USP35: variants seen among roughly 807,000 people sequenced by gnomAD.
USP35 encodes ubiquitin specific peptidase 35, also known as ubiquitin carboxyl-terminal hydrolase 35.
Under a neutral mutation model 83.8 loss-of-function variants are expected in USP35, and 69 were observed. The observed-to-expected ratio is 0.82, with a 90% CI of 0.68 to 1.01. USP35 has a LOEUF of 1.01. Ranked by LOEUF, USP35 falls within the 50% of genes least tolerant of loss-of-function variation. The pLI, the probability that USP35 is intolerant of heterozygous loss-of-function variation, is 0.00. For missense variants in USP35, 1,503 were observed against 1,362.5 expected, an observed-to-expected ratio of 1.10 and a Z score of -1.62; for synonymous variants, 714 against 589.5, an observed-to-expected ratio of 1.21 and a Z score of -3.06.
At chr11:78,190,396 C>G (rs1265276002) in intron 1 of USP35, among the ~76,000 whole-genome samples, 5 of 152,176 alleles carry the variant, frequency 3.3e-5, no homozygotes, top group African/African-American at 9.7e-5. Context: ...ATATGCAAGA[C>G]CAGGCCTGGG....
chr11:78,189,505 T>C (rs2137017011), intron 1 of USP35, among the ~76,000 whole-genome samples: 1 of 152,162 alleles, frequency 6.6e-6, no homozygotes, highest in Middle Eastern at 3.4e-3. Flanking sequence ...TGGCACAAAC[T>C]GGGGGGCCCG....
the USP35 span, among the ~76,000 whole-genome samples, chr11:78,230,649 A>G: frequency 6.6e-6 from 1 of 152,244 alleles, no homozygotes; most frequent in African/African-American, 2.4e-5. Flanking sequence ...CAGGCATATG[A>G]TAGATAATAG....
chr11:78,198,179 C>T (rs2137031472), intron 3 of USP35, 111 bp downstream of exon 3: 3 of 1,484,638 alleles, frequency 2.0e-6, no homozygotes, highest in Non-Finnish European at 1.8e-6. Flanking sequence ...TCAGAGGGCC[C>T]AGGCCCTCAT....
At position 78,196,521 on chromosome 11, in the gene USP35, C is replaced by T. The variant is rs1197920819; in HGVS notation, c.276C>T (p.Gly92=). The change falls in exon 2 of 11, where the codon GGC becomes GGT. Residue 92 remains glycine, a synonymous_variant. Transcript: ENST00000529308. This position sits in a 1 kb window ranked among gnomAD's most constrained non-coding sequence, Gnocchi z 4.8. ...ARRVLRLLQG[G]AGPPGPRALA... Reference sequence around the variant, plus strand: ...GCGTGCTGCGCCTGCTGCAGGGTGGCGCCGGCCCCCCGGGCCCCCGCGCGC... The same window carrying T: ...GCGTGCTGCGCCTGCTGCAGGGTGGTGCCGGCCCCCCGGGCCCCCGCGCGC... 4 of 1,223,524 alleles carry T rather than the reference C, an allele frequency of 3.3e-6. No homozygotes were observed. Among genetic ancestry groups the T allele is most frequent in the Non-Finnish European group, 4.1e-6 (4 of 975,020 alleles). The allele number at this position is 1,223,524 out of a possible 1,614,324, so 75.8% of individuals were successfully genotyped here. A position where few individuals can be genotyped will look rare whatever the true frequency, so the allele number is the denominator to read the frequency against.
intron 7 of USP35, 53 bp downstream of exon 7, chr11:78,206,088 C>G (rs1478694275): frequency 1.9e-6 from 3 of 1,571,316 alleles, no homozygotes; most frequent in African/African-American, 1.4e-5. Flanking sequence ...CCTCTGGGCT[C>G]CCTGATGACA....
intron 1 of USP35, among the ~76,000 whole-genome samples, chr11:78,195,745 T>C (rs1286317600): frequency 6.6e-6 from 1 of 152,124 alleles, no homozygotes; most frequent in East Asian, 1.9e-4. Flanking sequence ...CTGGGGTTAA[T>C]TTATTTTGAG....
At chr11:78,210,855 C>A (rs1360265317) in intron 10 of USP35, 111 bp downstream of exon 10, 1 of 1,196,448 alleles carries the variant, frequency 8.4e-7, no homozygotes. Context: ...AAATCCCATT[C>A]ATCTGTTGCT....
chr11:78,206,165 C>A, intron 7 of USP35, 130 bp downstream of exon 7: 1 of 1,222,788 alleles, frequency 8.2e-7, no homozygotes, highest in Non-Finnish European at 1.1e-6. Context: ...AGCATGATTC[C>A]CTGAGGTCTG....
Position 78,214,234 on chromosome 11 carries a change from A to AGAGG in USP35, c.*422_*423insAGGG, listed in dbSNP as rs1275222810. 3 of 96,202 alleles carry AGAGG rather than the reference A, an allele frequency of 3.1e-5. No homozygotes were observed. The highest frequency in any genetic ancestry group is 1.5e-4 in the African/African-American group (3 of 19,634). The allele number at this position is 96,202 out of a possible 1,614,324, so 6.0% of individuals were successfully genotyped here. On this transcript the variant is annotated 3_prime_UTR_variant, in exon 11 of 11. Coordinates refer to ENST00000529308, the MANE Select transcript of USP35 (RefSeq NM_020798.4). ...ACAGCAGGATCCAAGCCTTGCACAA[A>AGAGG]GGGGTGGGGGGGGCAGTGTCTCCTC...
At chr11:78,202,933 CTG>C (rs759912193) in intron 6 of USP35, among the ~76,000 whole-genome samples, 1 of 152,158 alleles carries the variant, frequency 6.6e-6, no homozygotes, top group Non-Finnish European at 1.5e-5. Context: ...TAGTAGATGT[CTG>C]TGAGCAAATG....
chr11:78,214,905 C>T lies in USP35; in HGVS notation c.*1092C>T, dbSNP rs1015939272. On this transcript the variant is annotated 3_prime_UTR_variant, in exon 11 of 11. Coordinates refer to ENST00000529308, the MANE Select transcript of USP35 (RefSeq NM_020798.4). ...ACTGACTTACTTACCTTACTGAGGG[C>T]TGGGTGATGCTGCCCGTGGAGAGGA... 2.0e-5 allele frequency among the ~76,000 whole-genome samples: 3 copies of T among 152,092 alleles called. No homozygotes were observed.
At position 78,213,813 on chromosome 11, in the gene USP35, A is replaced by C. The variant is rs763230980; in HGVS notation, c.3057A>C (p.Ter1019TyrextTer18). ...GTGACTTCCACAGACTGGTCTTCTAATGTGAACCTGCTGCCAACCTGACCC... is the reference window on the plus strand; with the variant it reads ...GTGACTTCCACAGACTGGTCTTCTACTGTGAACCTGCTGCCAACCTGACCC... ...NGGDFHRLVF[*>Y] The change falls in exon 11 of 11, where the codon TAA becomes TAC. Residue 1019 changes from the stop codon to tyrosine (Y), a stop_lost. Transcript: ENST00000529308. The C allele has an allele frequency of 6.4e-7, 1 of 1,553,262 alleles. No individual in the cohort carries two copies. Among genetic ancestry groups the C allele is most frequent in the Non-Finnish European group, 8.6e-7 (1 of 1,157,694 alleles).
chr11:78,220,081 G>A (rs1347452656), downstream of USP35, among the ~76,000 whole-genome samples: 1 of 152,176 alleles, frequency 6.6e-6, no homozygotes, highest in Non-Finnish European at 1.5e-5. Context: ...CTACAACACG[G>A]GGGATGGGCT....
chr11:78,227,161 G>A, the USP35 span: 1 of 705,308 alleles, frequency 1.4e-6, no homozygotes, highest in South Asian at 1.6e-5. Context: ...TCTGTAAAAT[G>A]GTGACTAAAA....
chr11:78,209,657 C>T lies in USP35; in HGVS notation c.1802C>T (p.Pro601Leu). Residue 601 changes from proline (P) to leucine (L), a missense_variant, in exon 10 of 11, where the codon CCT (proline) becomes CTT (leucine). Coordinates refer to ENST00000529308, the MANE Select transcript of USP35 (RefSeq NM_020798.4). ...TTCACGGACCTCTCTCTCGCCTTCC[C>T]TCCTCCTGAGCGCTGTCGCCGCCGC... ...EAFTDLSLAFPPPERCRRRRL... is the reference protein window; with the variant it reads ...EAFTDLSLAFLPPERCRRRRL... 2 of 1,614,088 alleles carry T rather than the reference C, an allele frequency of 1.2e-6. No homozygotes were observed. Among genetic ancestry groups the T allele is most frequent in the Non-Finnish European group, 1.7e-6 (2 of 1,179,964 alleles).
the USP35 span, chr11:78,227,031 C>G: frequency 6.2e-7 from 1 of 1,610,984 alleles, no homozygotes. Flanking sequence ...GGCTCTGGTG[C>G]CCTGAGAGAA....
chr11:78,213,572 T>C (rs546252714), intron 10 of USP35, 74 bp from the exon 11 acceptor site: 8 of 1,404,216 alleles, frequency 5.7e-6, no homozygotes, highest in Admixed American at 3.0e-5. Flanking sequence ...TTGAAAGGTG[T>C]TGTGCTGGGT....
At chr11:78,221,412 A>T in the USP35 span, among the ~76,000 whole-genome samples, 6 of 152,180 alleles carry the variant, frequency 3.9e-5, no homozygotes, top group Non-Finnish European at 7.3e-5. Context: ...CATGCCACCC[A>T]TGTCACTGTC....
intron 1 of USP35, among the ~76,000 whole-genome samples, chr11:78,192,019 A>T (rs1192693471): frequency 6.6e-6 from 1 of 151,764 alleles, no homozygotes; most frequent in Non-Finnish European, 1.5e-5. Context: ...AATTTTTTGT[A>T]TTTTTAGTAG....
Sources: allele counts gnomAD v4.1 joint callset (sites outside exome capture counted in the v4.1 genomes callset), GRCh38; gene constraint gnomAD v4.1.1; non-coding constraint Gnocchi (gnomAD v3.1); transcripts MANE v1.5; gene names NCBI Gene and HGNC (gene_info 2026-07-23, HGNC 2026-07-21).